SYTL5: variants seen among roughly 807,000 people sequenced by gnomAD.
SYTL5 encodes synaptotagmin-like protein 5.
In SYTL5, 34 loss-of-function variants were observed where a neutral mutation model predicts 55.9. The observed-to-expected ratio is 0.61, with a 90% CI of 0.46 to 0.81. The LOEUF is 0.81. Among genes scored for constraint, SYTL5 ranks in the 30% least tolerant of loss-of-function variants. The probability of loss-of-function intolerance (pLI) is 0.00; values close to 1 mark genes in which losing one functional copy is unlikely to be tolerated. For missense variants in SYTL5, 637 were observed against 546.7 expected, an observed-to-expected ratio of 1.17 and a Z score of -1.65; for synonymous variants, 221 against 188.7, an observed-to-expected ratio of 1.17 and a Z score of -1.40.
Position 38,031,303 on chromosome X carries a change from C to A in SYTL5, c.-356-2231C>A, listed in dbSNP as rs181339960. On this transcript the variant is annotated intron_variant, in intron 1 of 16. Transcript: ENST00000297875. ...GTCCAGGTACAGATGAATAAAAATT[C>A]ATTTAGGACTAATTTTCTTAATTAA... Among the ~76,000 whole-genome samples the A allele has an allele frequency of 2.3e-3, 255 of 111,655 alleles. 1 individual carries two copies. Among genetic ancestry groups the A allele is most frequent in the African/African-American group, 7.8e-3 (241 of 30,740 alleles).
the SYTL5 span, among the ~76,000 whole-genome samples, chrX:37,901,237 C>G: frequency 8.9e-6 from 1 of 112,040 alleles, no homozygotes; most frequent in South Asian, 3.7e-4. Flanking sequence ...GGAACCAGAC[C>G]CCAGGTGCTC....
chrX:38,004,973 T>G (rs1331220765), upstream of SYTL5, among the ~76,000 whole-genome samples: 1 of 111,763 alleles, frequency 8.9e-6, no homozygotes, highest in East Asian at 2.8e-4. Flanking sequence ...AGGCTATGGA[T>G]ACCCCATTTA....
chrX:37,955,476 G>T, the SYTL5 span, among the ~76,000 whole-genome samples: 1 of 112,042 alleles, frequency 8.9e-6, no homozygotes, highest in African/African-American at 3.2e-5. Context: ...TGAGGTAAAA[G>T]ACTGGAATTA....
the SYTL5 span, among the ~76,000 whole-genome samples, chrX:37,911,450 A>G: frequency 8.9e-6 from 1 of 111,749 alleles, no homozygotes; most frequent in Non-Finnish European, 1.9e-5. Context: ...TTCTCCAATC[A>G]TAGAGCTATT....
At chrX:38,096,711 T>C (rs1217333385) in intron 9 of SYTL5, among the ~76,000 whole-genome samples, 2 of 111,500 alleles carry the variant, frequency 1.8e-5, no homozygotes, top group African/African-American at 6.5e-5. Context: ...TAAAGGTTAT[T>C]TCCCAGTCTA....
At chrX:38,115,462 C>A (rs1186242025) in intron 13 of SYTL5, among the ~76,000 whole-genome samples, 2 of 71,508 alleles carry the variant, frequency 2.8e-5, no homozygotes, top group African/African-American at 6.5e-5. Context: ...CCAGCCTGGG[C>A]GACAGAGCGA....
At chrX:38,052,047 C>A (rs750167603) in intron 2 of SYTL5, among the ~76,000 whole-genome samples, 2 of 111,985 alleles carry the variant, frequency 1.8e-5, no homozygotes, top group Non-Finnish European at 3.8e-5. Flanking sequence ...CTAGAGATAA[C>A]AACTTCCAGG....
At chrX:38,106,497 T>C (rs1430788326) in intron 10 of SYTL5, 96 bp from the exon 11 acceptor site, 12 of 804,792 alleles carry the variant, frequency 1.5e-5, no homozygotes, top group Admixed American at 3.6e-5. Flanking sequence ...ATGCTCATTA[T>C]AAAGAACAGG....
At chrX:38,047,171 C>T (rs1212154606) in intron 2 of SYTL5, among the ~76,000 whole-genome samples, 2 of 112,447 alleles carry the variant, frequency 1.8e-5, no homozygotes, top group African/African-American at 6.5e-5. Context: ...CACAGCTTCA[C>T]TAGGTGGTGC....
At chrX:38,094,985 G>C (rs9697987) in intron 8 of SYTL5, among the ~76,000 whole-genome samples, 34,051 of 110,869 alleles carry the variant, frequency 0.31, 4,406 homozygotes, top group African/African-American at 0.47. Context: ...AATGTTAATA[G>C]CTATGACTAA....
the SYTL5 span, among the ~76,000 whole-genome samples, chrX:37,952,976 A>T: frequency 9.0e-6 from 1 of 110,597 alleles, no homozygotes; most frequent in Non-Finnish European, 1.9e-5. Flanking sequence ...CACTTCAGAG[A>T]ACGTGAAAGA....
the SYTL5 span, among the ~76,000 whole-genome samples, chrX:37,976,910 G>A: frequency 9.1e-6 from 1 of 110,281 alleles, no homozygotes; most frequent in African/African-American, 3.3e-5. Context: ...TTTGCAGTGA[G>A]CAGAGATTGC....
At chrX:37,916,831 G>T in the SYTL5 span, among the ~76,000 whole-genome samples, 1 of 111,707 alleles carries the variant, frequency 9.0e-6, no homozygotes, top group Admixed American at 9.5e-5. Context: ...AAGCAATATT[G>T]ATACATCATC....
chrX:38,064,067 A>G (rs12008916), intron 3 of SYTL5, among the ~76,000 whole-genome samples: 1,331 of 100,021 alleles, frequency 0.013, 19 homozygotes, highest in African/African-American at 0.047. Flanking sequence ...ACATATATAT[A>G]TGTGTGTGTG....
intron 1 of SYTL5, among the ~76,000 whole-genome samples, chrX:38,028,489 T>A (rs1266808204): frequency 8.9e-6 from 1 of 112,452 alleles, no homozygotes; most frequent in East Asian, 2.8e-4. Context: ...CCTCAAATTT[T>A]GTTCACAAGA....
At chrX:37,911,064 C>T in the SYTL5 span, among the ~76,000 whole-genome samples, 6 of 105,118 alleles carry the variant, frequency 5.7e-5, no homozygotes, top group Non-Finnish European at 1.2e-4. Flanking sequence ...CTCCCAGGTT[C>T]AAGTGATTCT....
intron 1 of SYTL5, among the ~76,000 whole-genome samples, chrX:38,022,366 A>G (rs1056314783): frequency 5.3e-5 from 6 of 112,533 alleles, no homozygotes; most frequent in Admixed American, 9.4e-5. Flanking sequence ...ACAATGTATT[A>G]TCTTACAGTT....
intron 3 of SYTL5, among the ~76,000 whole-genome samples, chrX:38,062,161 G>T (rs1313464548): frequency 9.1e-6 from 1 of 110,118 alleles, no homozygotes; most frequent in Non-Finnish European, 1.9e-5. Context: ...GTAGAGATGG[G>T]GTTTCACTGA....
At chrX:38,060,456 G>T (rs1228665836) in intron 3 of SYTL5, among the ~76,000 whole-genome samples, 1 of 111,558 alleles carries the variant, frequency 9.0e-6, no homozygotes, top group Non-Finnish European at 1.9e-5. Context: ...AAGGGCAGGA[G>T]TTTTTATCTG....
Sources: allele counts gnomAD v4.1 joint callset (sites outside exome capture counted in the v4.1 genomes callset), GRCh38; gene constraint gnomAD v4.1.1; transcripts MANE v1.5; gene names NCBI Gene and HGNC (gene_info 2026-07-23, HGNC 2026-07-21).